The following MAGI1 variants were observed in gnomAD, a reference collection of about 807,000 sequenced individuals.
MAGI1 encodes the protein membrane-associated guanylate kinase, WW and PDZ domain-containing protein 1.
MAGI1 carries 58 observed loss-of-function variants against 139.9 expected under a neutral mutation model. That is an observed-to-expected ratio of 0.41 (90% CI 0.34 to 0.52). The LOEUF is 0.52. Ranked by LOEUF, MAGI1 falls within the 20% of genes least tolerant of loss-of-function variation. MAGI1 has a pLI of 0.12. For synonymous variants in MAGI1, 812 were observed against 737.9 expected (o/e 1.10, Z -1.63); for missense variants, 1,874 against 1,901.6 (o/e 0.99, Z 0.27).
At chr3:65,901,127 C>G (rs1211430695) in intron 1 of MAGI1, among the ~76,000 whole-genome samples, 1 of 152,154 alleles carries the variant, frequency 6.6e-6, no homozygotes. Flanking sequence ...TTTATTTTTG[C>G]TCAAGAGCAT....
Position 65,399,808 on chromosome 3 carries a change from G to A in MAGI1, c.2199+1631C>T, listed in dbSNP as rs1403311818. On this transcript the variant is annotated intron_variant, in intron 13 of 22. Transcript: ENST00000402939. ...CCAGGTAATTCCAAAACACTTGGGG[G>A]AAACAGAAATGCAAATGAATTACAA... Among the ~76,000 whole-genome samples, 3 of 152,274 alleles carry A rather than the reference G, an allele frequency of 2.0e-5. No individual in the cohort carries two copies. In the East Asian group the frequency reaches 5.8e-4, roughly 29 times the overall value.
intron 1 of MAGI1, among the ~76,000 whole-genome samples, chr3:65,877,218 A>G (rs1296442747): frequency 6.6e-6 from 1 of 152,102 alleles, no homozygotes; most frequent in Non-Finnish European, 1.5e-5. Context: ...GCTGTTGGAG[A>G]TGCCTTTATA....
chr3:65,950,962 AGGAAG>A (rs2063811955), intron 1 of MAGI1, among the ~76,000 whole-genome samples: 1 of 1,644 alleles, frequency 6.1e-4, no homozygotes, highest in Non-Finnish European at 1.3e-3. Context: ...AAGAAAGAGA[AGGAAG>A]GAAGGAAGGA....
chr3:65,968,150 T>C (rs554294979), intron 1 of MAGI1, among the ~76,000 whole-genome samples: 1 of 152,326 alleles, frequency 6.6e-6, no homozygotes, highest in Admixed American at 6.5e-5. Context: ...AGGCATGTTC[T>C]TATACAGTTG....
At chr3:65,582,797 G>C (rs2081499689) in intron 2 of MAGI1, among the ~76,000 whole-genome samples, 1 of 152,148 alleles carries the variant, frequency 6.6e-6, no homozygotes, top group East Asian at 1.9e-4. Flanking sequence ...TTGCTTCCAT[G>C]AATGTGTGTT....
At chr3:65,688,323 G>A (rs1308446915) in intron 1 of MAGI1, 1 of 710,180 alleles carries the variant, frequency 1.4e-6, no homozygotes, top group East Asian at 3.6e-5. Flanking sequence ...TCTTACTTCT[G>A]AAATATCTAC....
chr3:65,823,094 TTTTAAC>T (rs1160056885), intron 1 of MAGI1, among the ~76,000 whole-genome samples: 9 of 152,238 alleles, frequency 5.9e-5, no homozygotes, highest in African/African-American at 1.9e-4. Context: ...CAGCTAAATT[TTTTAAC>T]TTTAACTGTT....
At chr3:65,830,535 T>A (rs1175312028) in intron 1 of MAGI1, among the ~76,000 whole-genome samples, 1 of 152,176 alleles carries the variant, frequency 6.6e-6, no homozygotes, top group Non-Finnish European at 1.5e-5. Flanking sequence ...ACAACTTCTC[T>A]CAGTGGACAC....
At chr3:65,558,198 G>A (rs944399078) in intron 2 of MAGI1, among the ~76,000 whole-genome samples, 2 of 125,036 alleles carry the variant, frequency 1.6e-5, no homozygotes, top group African/African-American at 5.1e-5. Context: ...ACCCAATCAG[G>A]AGTCCAAGTG....
chr3:65,979,852 TA>T (rs1333770557), intron 1 of MAGI1, among the ~76,000 whole-genome samples: 1 of 152,186 alleles, frequency 6.6e-6, no homozygotes, highest in African/African-American at 2.4e-5. Flanking sequence ...GTCTTCTCAA[TA>T]AACTGTGAGC....
At chr3:66,018,408 G>A (rs1332776443) in intron 1 of MAGI1, among the ~76,000 whole-genome samples, 1 of 152,126 alleles carries the variant, frequency 6.6e-6, no homozygotes, top group East Asian at 1.9e-4. Context: ...GTTAAACCCT[G>A]GGATTCCAAA....
At chr3:65,601,739 A>C (rs72902277) in intron 2 of MAGI1, among the ~76,000 whole-genome samples, 36,880 of 150,932 alleles carry the variant, frequency 0.24, 4,492 homozygotes, top group South Asian at 0.3. Flanking sequence ...TAAAAAAAAA[A>C]CAGAAATTAG....
chr3:65,480,028 A>C (rs956792930), intron 3 of MAGI1, among the ~76,000 whole-genome samples: 2 of 152,164 alleles, frequency 1.3e-5, no homozygotes, highest in African/African-American at 4.8e-5. Flanking sequence ...AATGTTTGTA[A>C]TTCTATGCTT....
Position 65,783,803 on chromosome 3 carries a change from CAAA to C in MAGI1, c.314-161718_314-161716del, listed in dbSNP as rs71102879. Among the ~76,000 whole-genome samples, 214 of 129,774 alleles carry C rather than the reference CAAA, an allele frequency of 1.6e-3. 1 individual carries two copies. The highest frequency in any genetic ancestry group is 4.2e-3 in the African/African-American group (147 of 35,042). The allele number at this position is 129,774 out of a possible 152,430, so 85.1% of individuals were successfully genotyped here. A position where few individuals can be genotyped will look rare whatever the true frequency, so the allele number is the denominator to read the frequency against. On this transcript the variant is annotated intron_variant, in intron 1 of 22. Coordinates refer to ENST00000402939, the MANE Select transcript of MAGI1 (RefSeq NM_001033057.2). Reference sequence around the variant, plus strand: ...GTGAGCCACCACACCCAGCCTGTACCAAAAAAAAAAAAAAAAATTAATTTTAAA... The same window carrying C: ...GTGAGCCACCACACCCAGCCTGTACCAAAAAAAAAAAAAATTAATTTTAAA...
intron 2 of MAGI1, among the ~76,000 whole-genome samples, chr3:65,553,423 T>G (rs925122821): frequency 2.6e-5 from 4 of 152,206 alleles, no homozygotes; most frequent in African/African-American, 7.2e-5. Context: ...AAAAAAAAAT[T>G]TTTTTAATAT....
rs1364257748 is a variant in MAGI1 at position 65,530,653 on chromosome 3, GTGTGTGTGTA to G, written c.431-37032_431-37023del. On this transcript the variant is annotated intron_variant, in intron 2 of 22. Coordinates refer to ENST00000402939, the MANE Select transcript of MAGI1 (RefSeq NM_001033057.2). ...TGTGTGTGTGTGTGTGTGTGTGTGTGTGTGTGTGTATATATATATACATATATATATACGT... is the reference window on the plus strand; with the variant it reads ...TGTGTGTGTGTGTGTGTGTGTGTGTGTATATATATACATATATATATACGT... 3.1e-3 allele frequency among the ~76,000 whole-genome samples: 294 copies of G among 94,886 alleles called. 4 individuals carry two copies. The highest frequency in any genetic ancestry group is 0.019 in the South Asian group (52 of 2,756). 62.2% of individuals were successfully genotyped at this position (94,886 alleles called of 152,430 possible). A position where few individuals can be genotyped will look rare whatever the true frequency, so the allele number is the denominator to read the frequency against.
chr3:65,649,131 T>G (rs2085437603), intron 1 of MAGI1, among the ~76,000 whole-genome samples: 1 of 152,048 alleles, frequency 6.6e-6, no homozygotes, highest in Non-Finnish European at 1.5e-5. Flanking sequence ...CCCAGCAACT[T>G]GGGATGCTGA....
intron 1 of MAGI1, among the ~76,000 whole-genome samples, chr3:65,737,000 A>T (rs2034797094): frequency 6.6e-6 from 1 of 150,608 alleles, no homozygotes; most frequent in African/African-American, 2.5e-5. Flanking sequence ...ACTTGCATCA[A>T]GACTTTTTTT....
intron 4 of MAGI1, among the ~76,000 whole-genome samples, chr3:65,474,283 T>C (rs1035302301): frequency 1.3e-5 from 2 of 151,810 alleles, no homozygotes; most frequent in African/African-American, 4.8e-5. Context: ...AAACAAAACC[T>C]TTCATTTAAT....
Sources: allele counts gnomAD v4.1 joint callset (sites outside exome capture counted in the v4.1 genomes callset), GRCh38; gene constraint gnomAD v4.1.1; transcripts MANE v1.5; gene names NCBI Gene and HGNC (gene_info 2026-07-23, HGNC 2026-07-21).